The following CIMAP1D variants were observed in gnomAD, a reference collection of about 807,000 sequenced individuals.
CIMAP1D encodes the protein CIMAP1 family member D.
chr19:488,338 C>T, the CIMAP1D span, among the ~76,000 whole-genome samples: 1 of 151,784 alleles, frequency 6.6e-6, no homozygotes, highest in Non-Finnish European at 1.5e-5. Context: ...CTGGCTAACA[C>T]GGTGAAACCC....
At chr19:476,231 T>G in the CIMAP1D span, among the ~76,000 whole-genome samples, 1 of 152,158 alleles carries the variant, frequency 6.6e-6, no homozygotes, top group East Asian at 1.9e-4. Context: ...TTTTTTGTAT[T>G]TTTAGTAGAG....
chr19:481,651 G>A, the CIMAP1D span, among the ~76,000 whole-genome samples: 1 of 151,912 alleles, frequency 6.6e-6, no homozygotes, highest in Non-Finnish European at 1.5e-5. Flanking sequence ...GATGGGAAAG[G>A]ATAATGGGAA....
the CIMAP1D span, among the ~76,000 whole-genome samples, chr19:479,416 G>GT: frequency 2.1e-5 from 3 of 146,178 alleles, no homozygotes; most frequent in South Asian, 2.2e-4. Flanking sequence ...TTTTTTGGGG[G>GT]GGGGGGGGAT....
At chr19:486,210 G>A in the CIMAP1D span, among the ~76,000 whole-genome samples, 3 of 152,204 alleles carry the variant, frequency 2.0e-5, no homozygotes, top group South Asian at 6.2e-4. Context: ...CGAGGATTTG[G>A]GGGGCTGGAG....
At chr19:483,339 G>T in the CIMAP1D span, among the ~76,000 whole-genome samples, 1 of 143,856 alleles carries the variant, frequency 7.0e-6, no homozygotes, top group Non-Finnish European at 1.5e-5. Context: ...GCCAGAGCCA[G>T]CTCTTCAGAC....
chr19:486,445 TCTG>T, the CIMAP1D span, among the ~76,000 whole-genome samples: 1 of 151,986 alleles, frequency 6.6e-6, no homozygotes, highest in South Asian at 2.1e-4. Flanking sequence ...ATTTTTTGTT[TCTG>T]TTGTTTTTCT....
chr19:473,193 G>A, the CIMAP1D span, among the ~76,000 whole-genome samples: 1 of 49,996 alleles, frequency 2.0e-5, no homozygotes, highest in Admixed American at 2.3e-4. Flanking sequence ...GAGATACACG[G>A]TCACAGATGG....
chr19:471,355 A>G, the CIMAP1D span, among the ~76,000 whole-genome samples: 1 of 151,814 alleles, frequency 6.6e-6, no homozygotes, highest in Non-Finnish European at 1.5e-5. Context: ...TCACCATGTT[A>G]GCCAGGATGG....
At chr19:487,249 C>T in the CIMAP1D span, among the ~76,000 whole-genome samples, 1 of 152,298 alleles carries the variant, frequency 6.6e-6, no homozygotes, top group South Asian at 2.1e-4. Flanking sequence ...TTGGCAGCCA[C>T]GATGGGAGTA....
chr19:485,538 A>G, the CIMAP1D span, among the ~76,000 whole-genome samples: 1 of 152,196 alleles, frequency 6.6e-6, no homozygotes, highest in East Asian at 1.9e-4. Flanking sequence ...ATCACAGCTC[A>G]CTGACGGTGG....
At chr19:488,633 A>AC in the CIMAP1D span, among the ~76,000 whole-genome samples, 19,083 of 152,128 alleles carry the variant, frequency 0.13, 2,331 homozygotes, top group African/African-American at 0.31. Flanking sequence ...GGTGACCCTG[A>AC]CCCGCGAAGC....
chr19:479,023 G>C, the CIMAP1D span, among the ~76,000 whole-genome samples: 1 of 152,236 alleles, frequency 6.6e-6, no homozygotes, highest in African/African-American at 2.4e-5. Context: ...TCGCGCTATG[G>C]AGGAAACGTG....
chr19:475,017 T>C, the CIMAP1D span: 3 of 362,428 alleles, frequency 8.3e-6, no homozygotes, highest in East Asian at 1.2e-4. Context: ...CAGGAAAGAG[T>C]CCGGTGTCAG....
At chr19:488,207 C>T in the CIMAP1D span, among the ~76,000 whole-genome samples, 289 of 151,878 alleles carry the variant, frequency 1.9e-3, no homozygotes, top group Middle Eastern at 6.8e-3. Flanking sequence ...GCTCTTCCTG[C>T]TACACTATCT....
the CIMAP1D span, among the ~76,000 whole-genome samples, chr19:485,990 A>C: frequency 6.6e-6 from 1 of 151,910 alleles, no homozygotes; most frequent in African/African-American, 2.4e-5. Context: ...TTCCCGGGAG[A>C]CTCTAACAAG....
At chr19:476,830 A>T in the CIMAP1D span, among the ~76,000 whole-genome samples, 2 of 152,242 alleles carry the variant, frequency 1.3e-5, no homozygotes, top group Non-Finnish European at 2.9e-5. Flanking sequence ...AAACTAAATG[A>T]CTATAAAAAA....
At chr19:482,668 G>A in the CIMAP1D span, among the ~76,000 whole-genome samples, 1 of 152,254 alleles carries the variant, frequency 6.6e-6, no homozygotes, top group East Asian at 1.9e-4. Flanking sequence ...TGTGCTCACA[G>A]GCGCCACCCC....
the CIMAP1D span, chr19:463,830 G>C: frequency 6.2e-7 from 1 of 1,602,408 alleles, no homozygotes; most frequent in Non-Finnish European, 8.5e-7. Flanking sequence ...CACTGTGTGG[G>C]AAACAGGCCT....
the CIMAP1D span, chr19:464,014 G>C: frequency 1.2e-6 from 2 of 1,607,670 alleles, no homozygotes; most frequent in Non-Finnish European, 1.7e-6. Context: ...GTCTCCTCCA[G>C]GGGTCGCGGG....
Sources: gnomAD v4.1 joint callset for allele counts (sites outside exome capture counted in the v4.1 genomes callset) on GRCh38, gnomAD v4.1.1 for gene constraint, MANE v1.5 for transcripts, NCBI Gene and HGNC (gene_info 2026-07-23, HGNC 2026-07-21) for gene names.